STAG1: variants seen among roughly 807,000 people sequenced by gnomAD.
STAG1 encodes the protein STAG1 cohesin complex component.
A neutral mutation model predicts 170.9 loss-of-function variants in STAG1; 26 were observed. The observed-to-expected ratio is 0.15, with a 90% CI of 0.11 to 0.21. The LOEUF (loss-of-function observed/expected upper bound fraction) is 0.21, where lower values mean the gene tolerates loss of function less well. STAG1 is among the 10% of genes least tolerant of loss of function. STAG1 has a pLI of 1.00. For missense variants in STAG1, 964 were observed against 1,509.5 expected (o/e 0.64, Z 5.99); for synonymous variants, 514 against 497.7 (o/e 1.03, Z -0.44).
intron 6 of STAG1, among the ~76,000 whole-genome samples, chr3:136,537,622 TC>T: frequency 6.6e-6 from 1 of 151,680 alleles, no homozygotes; most frequent in East Asian, 1.9e-4. Flanking sequence ...TGCCTCAGCC[TC>T]CCCATTAGCT....
intron 16 of STAG1, among the ~76,000 whole-genome samples, chr3:136,426,056 C>T (rs546689388): frequency 6.6e-6 from 1 of 150,616 alleles, no homozygotes; most frequent in East Asian, 1.9e-4. Flanking sequence ...CATTTATATG[C>T]AGATTTTTTT....
At position 136,418,357 on chromosome 3, in the gene STAG1, CT is replaced by C. The variant is rs1485029456; in HGVS notation, c.2109-386del. Among the ~76,000 whole-genome samples, 60 of 36,898 alleles carry C rather than the reference CT, an allele frequency of 1.6e-3. 1 individual carries two copies. Among genetic ancestry groups the C allele is most frequent in the Non-Finnish European group, 8.6e-4 (21 of 24,356 alleles). 24.2% of individuals were successfully genotyped at this position (36,898 alleles called of 152,430 possible). On this transcript the variant is annotated intron_variant, in intron 20 of 33. Transcript: ENST00000383202. ...CCTGGGTAACTGAGCAAGACTCTGT[CT>C]CCAAAAAAAAAAAAAAAAAAAAAAA...
chr3:136,697,537 G>A (rs1309854402), intron 1 of STAG1, among the ~76,000 whole-genome samples: 1 of 152,172 alleles, frequency 6.6e-6, no homozygotes, highest in African/African-American at 2.4e-5. Context: ...ATTCTAATGT[G>A]TGGTCACAGT....
intron 1 of STAG1, among the ~76,000 whole-genome samples, chr3:136,690,056 C>CAAAAAAAAAAAAAAAAAAAAAAAAAAAA (rs57082567): frequency 3.5e-5 from 2 of 56,406 alleles, no homozygotes; most frequent in African/African-American, 7.7e-5. Flanking sequence ...AAAAGCAAAC[C>CAAAAAAAAAAAAAAAAAAAAAAAAAAAA]AAAAAAAAAA....
At chr3:136,614,057 A>G (rs1170100504) in intron 3 of STAG1, among the ~76,000 whole-genome samples, 1 of 152,164 alleles carries the variant, frequency 6.6e-6, no homozygotes, top group African/African-American at 2.4e-5. Context: ...TACACTAAAA[A>G]TACAAAAAAT....
intron 7 of STAG1, among the ~76,000 whole-genome samples, chr3:136,510,229 G>A (rs1375267588): frequency 6.6e-6 from 1 of 152,194 alleles, no homozygotes; most frequent in African/African-American, 2.4e-5. Flanking sequence ...CCAGGTGGAG[G>A]TAACTGGGAT....
At chr3:136,523,263 A>T (rs1934787836) in intron 6 of STAG1, among the ~76,000 whole-genome samples, 1 of 152,044 alleles carries the variant, frequency 6.6e-6, no homozygotes, top group Non-Finnish European at 1.5e-5. Context: ...TTGCCATTCT[A>T]ACTGGTGTGA....
intron 3 of STAG1, among the ~76,000 whole-genome samples, chr3:136,618,053 TTTC>T (rs1412419636): frequency 1.4e-4 from 21 of 152,228 alleles, no homozygotes; most frequent in African/African-American, 4.8e-4. Context: ...GAGTTCTAAA[TTTC>T]TTTTCAAAGA....
intron 7 of STAG1, among the ~76,000 whole-genome samples, chr3:136,510,077 C>A (rs1933970659): frequency 6.6e-6 from 1 of 152,136 alleles, no homozygotes; most frequent in Admixed American, 6.6e-5. Flanking sequence ...TGTTGCAGTT[C>A]CACAAAGACC....
At chr3:136,393,877 T>C (rs2087076670) in intron 22 of STAG1, among the ~76,000 whole-genome samples, 1 of 152,176 alleles carries the variant, frequency 6.6e-6, no homozygotes, top group Non-Finnish European at 1.5e-5. Context: ...ATTACAGGCA[T>C]GAACCACTGT....
At chr3:136,751,492 G>C (rs972693421) in intron 1 of STAG1, among the ~76,000 whole-genome samples, 2 of 152,070 alleles carry the variant, frequency 1.3e-5, no homozygotes, top group African/African-American at 4.8e-5. Flanking sequence ...CAAACTAGCG[G>C]GGCAGTGCTT....
rs754260031 is a variant in STAG1, at chr3:136,623,228, G to A, written c.50C>T (p.Thr17Ile). ...CTCGCTGCCAGCATCGGAATGGGCA[G>A]TAGTTTCATTAGTTGAATCCCTAGA... ...PVLQDSTNET[T>I]AHSDAGSELE... The change falls in exon 3 of 34, where the codon ACT (threonine) becomes ATT (isoleucine). Residue 17 changes from threonine (T) to isoleucine (I), a missense_variant. By Grantham distance (89) the Thr-to-Ile change is moderately conservative. Transcript: ENST00000383202. 5.0e-6 allele frequency: 8 copies of A among 1,613,212 alleles called. No homozygotes were observed. In the East Asian group the frequency reaches 1.8e-4, roughly 36 times the overall value.
intron 22 of STAG1, among the ~76,000 whole-genome samples, chr3:136,386,853 C>T (rs1432397065): frequency 2.0e-5 from 3 of 152,082 alleles, no homozygotes; most frequent in Admixed American, 6.5e-5. Flanking sequence ...AAAATGAAGC[C>T]ATGGAAAAAC....
At chr3:136,665,551 A>G (rs1271221383) in intron 1 of STAG1, among the ~76,000 whole-genome samples, 2 of 152,060 alleles carry the variant, frequency 1.3e-5, no homozygotes, top group Non-Finnish European at 2.9e-5. Context: ...AGGACGAGAC[A>G]GGCAGATCAC....
At chr3:136,387,966 G>T (rs935444471) in intron 22 of STAG1, among the ~76,000 whole-genome samples, 1 of 152,178 alleles carries the variant, frequency 6.6e-6, no homozygotes, top group Non-Finnish European at 1.5e-5. Context: ...AAATTCAGAT[G>T]GAGGACTAAA....
intron 22 of STAG1, among the ~76,000 whole-genome samples, chr3:136,382,478 T>C (rs1478590119): frequency 2.0e-5 from 3 of 151,324 alleles, no homozygotes; most frequent in Admixed American, 6.6e-5. Context: ...TCTCGGCTCA[T>C]TGCAACCTCT....
chr3:136,389,962 G>A (rs1438522736), intron 22 of STAG1, among the ~76,000 whole-genome samples: 1 of 151,492 alleles, frequency 6.6e-6, no homozygotes, highest in Non-Finnish European at 1.5e-5. Context: ...CTCCCGAGTA[G>A]CTGGGACTAC....
chr3:136,506,645 C>CAAA (rs1248797469), intron 7 of STAG1, among the ~76,000 whole-genome samples: 6 of 46,522 alleles, frequency 1.3e-4, no homozygotes, highest in Admixed American at 4.4e-4. Context: ...GACTCCACCT[C>CAAA]AAAAAAAAAA....
intron 2 of STAG1, among the ~76,000 whole-genome samples, chr3:136,623,610 G>A (rs900076138): frequency 2.0e-5 from 3 of 152,096 alleles, no homozygotes; most frequent in Non-Finnish European, 4.4e-5. Flanking sequence ...ATGAAGGGCA[G>A]TGTTATGCCA....
Sources: allele counts gnomAD v4.1 joint callset (sites outside exome capture counted in the v4.1 genomes callset), GRCh38; gene constraint gnomAD v4.1.1; transcripts MANE v1.5; gene names NCBI Gene and HGNC (gene_info 2026-07-23, HGNC 2026-07-21).